The following PIK3R1 variants were observed in gnomAD, a reference collection of about 807,000 sequenced individuals.
PIK3R1 encodes phosphatidylinositol 3-kinase regulatory subunit alpha.
A neutral mutation model predicts 98.0 loss-of-function variants in PIK3R1; 29 were observed. That is an observed-to-expected ratio of 0.30 (90% CI 0.22 to 0.40). The LOEUF (loss-of-function observed/expected upper bound fraction) is 0.40. PIK3R1 is among the 10% of genes least tolerant of loss of function. The probability of loss-of-function intolerance (pLI) is 1.00; values close to 1 mark genes in which losing one functional copy is unlikely to be tolerated. For missense variants in PIK3R1, 596 were observed against 872.7 expected, an observed-to-expected ratio of 0.68 and a Z score of 3.99; for synonymous variants, 282 against 311.8, an observed-to-expected ratio of 0.90 and a Z score of 1.01.
chr5:68,243,471 A>T (rs1196772642), intron 2 of PIK3R1, among the ~76,000 whole-genome samples: 1 of 152,220 alleles, frequency 6.6e-6, no homozygotes, highest in African/African-American at 2.4e-5. Flanking sequence ...TAACCTAGAA[A>T]ATTCTTCAAG....
intron 7 of PIK3R1, among the ~76,000 whole-genome samples, chr5:68,281,727 G>A (rs1746847597): frequency 6.6e-6 from 1 of 152,160 alleles, no homozygotes; most frequent in Admixed American, 6.5e-5. Context: ...CCAGTAAAAG[G>A]TGTTGCTTGT....
At chr5:68,220,979 G>A (rs1179989668) in intron 1 of PIK3R1, among the ~76,000 whole-genome samples, 1 of 152,226 alleles carries the variant, frequency 6.6e-6, no homozygotes, top group African/African-American at 2.4e-5. Context: ...GTGTTGGGAG[G>A]TAGGGCCTAA....
intron 1 of PIK3R1, 92 bp downstream of exon 1, chr5:68,216,041 G>A (rs963348403): frequency 3.3e-5 from 5 of 152,198 alleles, no homozygotes; most frequent in African/African-American, 1.2e-4. Flanking sequence ...TCCTGTCACT[G>A]GCAGCGGCTT....
chr5:68,222,725 C>T (rs936717010), intron 1 of PIK3R1, among the ~76,000 whole-genome samples: 10 of 152,030 alleles, frequency 6.6e-5, no homozygotes, highest in Admixed American at 1.3e-4. Flanking sequence ...TCAGTAAAGC[C>T]GCTGTCTGAG....
At chr5:68,246,437 C>G (rs1745090044) in intron 2 of PIK3R1, among the ~76,000 whole-genome samples, 1 of 151,984 alleles carries the variant, frequency 6.6e-6, no homozygotes, top group Non-Finnish European at 1.5e-5. Flanking sequence ...CTTAGCCCCC[C>G]AGGTAGCTGA....
chr5:68,257,824 T>G (rs1190116154), intron 2 of PIK3R1, among the ~76,000 whole-genome samples: 1 of 152,238 alleles, frequency 6.6e-6, no homozygotes, highest in African/African-American at 2.4e-5. Flanking sequence ...CCCTGTTATC[T>G]TCTTGTTGCC....
intron 2 of PIK3R1, among the ~76,000 whole-genome samples, chr5:68,227,618 G>A (rs1744329875): frequency 6.6e-6 from 1 of 152,168 alleles, no homozygotes; most frequent in Non-Finnish European, 1.5e-5. Flanking sequence ...AATGTAGAGA[G>A]TAATAAAATG....
At chr5:68,256,205 A>G (rs1028772691) in intron 2 of PIK3R1, among the ~76,000 whole-genome samples, 15 of 151,878 alleles carry the variant, frequency 9.9e-5, no homozygotes, top group African/African-American at 3.4e-4. Context: ...TCAAAAAAAA[A>G]GTATAAAAAC....
intron 2 of PIK3R1, among the ~76,000 whole-genome samples, chr5:68,248,770 T>G (rs957215734): frequency 2.0e-5 from 3 of 152,226 alleles, no homozygotes; most frequent in African/African-American, 7.2e-5. Context: ...TCAATTTTTA[T>G]GTAGTACACC....
chr5:68,292,651 C>A, intron 8 of PIK3R1: 1 of 1,346,828 alleles, frequency 7.4e-7, no homozygotes, highest in South Asian at 1.4e-5. Context: ...ATCTATTAAG[C>A]ACAACTCTAA....
chr5:68,244,515 G>GCCCCC (rs199696651), intron 2 of PIK3R1, among the ~76,000 whole-genome samples: 3 of 11,800 alleles, frequency 2.5e-4, no homozygotes, highest in African/African-American at 1.0e-3. Context: ...CTCTAGGACC[G>GCCCCC]CCCCCCCGCC....
intron 2 of PIK3R1, among the ~76,000 whole-genome samples, chr5:68,260,577 C>T (rs1745699324): frequency 1.3e-5 from 2 of 152,294 alleles, no homozygotes; most frequent in Non-Finnish European, 2.9e-5. Flanking sequence ...GTAATATCTG[C>T]TCTGCCAAAC....
chr5:68,260,083 C>T (rs1037940082), intron 2 of PIK3R1, among the ~76,000 whole-genome samples: 2 of 152,048 alleles, frequency 1.3e-5, no homozygotes, highest in East Asian at 1.9e-4. Flanking sequence ...ATGTTAAGTA[C>T]GTTGTGTATA....
intron 7 of PIK3R1, among the ~76,000 whole-genome samples, chr5:68,284,972 C>G (rs1747020655): frequency 6.6e-6 from 1 of 152,118 alleles, no homozygotes; most frequent in African/African-American, 2.4e-5. Context: ...AAAGTCTTAA[C>G]TTGTCGTTTG....
chr5:68,244,589 CA>C (rs752534278), intron 2 of PIK3R1, among the ~76,000 whole-genome samples: 336 of 105,574 alleles, frequency 3.2e-3, no homozygotes, highest in Middle Eastern at 6.5e-3. Flanking sequence ...CTCTGGACCT[CA>C]AAAAAAAAAA....
intron 7 of PIK3R1, among the ~76,000 whole-genome samples, chr5:68,282,076 A>AGAGG (rs1448332854): frequency 3.3e-5 from 5 of 152,150 alleles, no homozygotes; most frequent in Admixed American, 2.0e-4. Context: ...AAGGTGAGAG[A>AGAGG]GAGGTATCCG....
At chr5:68,239,889 C>T (rs752745489) in intron 2 of PIK3R1, 2 of 504,612 alleles carry the variant, frequency 4.0e-6, no homozygotes, top group South Asian at 3.1e-5. Flanking sequence ...GTGTGAGTTA[C>T]TATTCCTTAC....
intron 7 of PIK3R1, chr5:68,291,060 T>C (rs1747361180): frequency 2.4e-6 from 1 of 411,638 alleles, no homozygotes; most frequent in African/African-American, 2.1e-5. Context: ...TGAATGGATA[T>C]GAATTGAACT....
At chr5:68,265,234 A>C (rs1447669744) in intron 2 of PIK3R1, among the ~76,000 whole-genome samples, 1 of 146,948 alleles carries the variant, frequency 6.8e-6, no homozygotes, top group East Asian at 2.0e-4. Context: ...GCCTCAAACT[A>C]CTGCCCTTGG....
Sources: gnomAD v4.1 joint callset for allele counts (sites outside exome capture counted in the v4.1 genomes callset) on GRCh38, gnomAD v4.1.1 for gene constraint, MANE v1.5 for transcripts, NCBI Gene and HGNC (gene_info 2026-07-23, HGNC 2026-07-21) for gene names.